HSPA12B: variants seen among roughly 807,000 people sequenced by gnomAD.
HSPA12B encodes the protein heat shock 70 kDa protein 12B.
HSPA12B carries 54 observed loss-of-function variants against 69.3 expected under a neutral mutation model. The ratio of observed to expected loss-of-function variants is 0.78; its 90% confidence interval spans 0.63 to 0.98. The LOEUF is 0.98. HSPA12B is among the 50% of genes least tolerant of loss of function. HSPA12B has a pLI of 0.00. For missense variants in HSPA12B, 929 were observed against 999.8 expected (o/e 0.93, Z 0.96); for synonymous variants, 441 against 436.5 (o/e 1.01, Z -0.13).
Position 3,749,663 on chromosome 20 carries a change from GGGCTGGAGGCTGGGCGA to G in HSPA12B, c.938-77_938-61del, listed in dbSNP as rs1176307242. On this transcript the variant is annotated intron_variant, in intron 9 of 12. Coordinates refer to ENST00000254963, the MANE Select transcript of HSPA12B (RefSeq NM_052970.5). The surrounding 1 kb of genome is among the most constrained non-coding windows in gnomAD (Gnocchi z 5.5). ...CAGACAGGCCTTGGGACCCGGGGCA[GGGCTGGAGGCTGGGCGA>G]GGCTGGAGGGGGCGCAGGGCTGAGG... 1 of 1,009,788 alleles carries G rather than the reference GGGCTGGAGGCTGGGCGA, an allele frequency of 9.9e-7. No homozygotes were observed. The highest frequency in any genetic ancestry group is 1.4e-6 in the Non-Finnish European group (1 of 694,126). 62.6% of individuals were successfully genotyped at this position (1,009,788 alleles called of 1,614,324 possible).
At position 3,744,622 on chromosome 20, in the gene HSPA12B, C is replaced by G. The variant is rs1219588828; in HGVS notation, c.267-280C>G. On this transcript the variant is annotated intron_variant, in intron 4 of 12. Coordinates refer to ENST00000254963, the MANE Select transcript of HSPA12B (RefSeq NM_052970.5). The surrounding 1 kb of genome is among the most constrained non-coding windows in gnomAD (Gnocchi z 4.9). ...TTCTCCATGCTCCCTTCCCTGCATT[C>G]TGTTGCTCCATGGGAGCCAGTGACC... 6.6e-6 allele frequency among the ~76,000 whole-genome samples: 1 copy of G among 152,244 alleles called. No homozygotes were observed. Among genetic ancestry groups the G allele is most frequent in the Non-Finnish European group, 1.5e-5 (1 of 68,040 alleles).
Position 3,752,262 on chromosome 20 carries a change from T to C in HSPA12B, c.*96T>C. On this transcript the variant is annotated 3_prime_UTR_variant, in exon 13 of 13. Transcript: ENST00000254963. Reference sequence around the variant, plus strand: ...GGGTTGGGGCGGGGGAAACGATAGTTCTGCAGTCTGCGCCTTTCCACGCCC... The same window carrying C: ...GGGTTGGGGCGGGGGAAACGATAGTCCTGCAGTCTGCGCCTTTCCACGCCC... 8.3e-7 allele frequency: 1 copy of C among 1,198,368 alleles called. No homozygotes were observed. The highest frequency in any genetic ancestry group is 1.1e-6 in the Non-Finnish European group (1 of 906,620). The allele number at this position is 1,198,368 out of a possible 1,614,324, so 74.2% of individuals were successfully genotyped here.
At position 3,752,107 on chromosome 20, in the gene HSPA12B, G is replaced by A. The variant is rs1418851001; in HGVS notation, c.2002G>A (p.Ala668Thr). Residue 668 changes from alanine to threonine, a missense_variant, in exon 13 of 13, where the codon GCC becomes ACC. Ala to Thr is a moderately conservative substitution (Grantham distance 58). Transcript: ENST00000254963. ...QFGDTEIKVTAVDVSTNRSVR... is the reference protein window; with the variant it reads ...QFGDTEIKVTTVDVSTNRSVR... ...TGGCGACACCGAAATTAAGGTCACCGCCGTCGACGTCAGCACCAATCGCTC... is the reference window on the plus strand; with the variant it reads ...TGGCGACACCGAAATTAAGGTCACCACCGTCGACGTCAGCACCAATCGCTC... 6.6e-7 allele frequency: 1 copy of A among 1,507,760 alleles called. No homozygotes were observed. Among genetic ancestry groups the A allele is most frequent in the Non-Finnish European group, 8.8e-7 (1 of 1,135,004 alleles). 93.4% of individuals were successfully genotyped at this position (1,507,760 alleles called of 1,614,324 possible).
Position 3,737,160 on chromosome 20 carries a change from T to G in HSPA12B, c.-17-1498T>G, listed in dbSNP as rs1191682377. ...TGGGCTGGGGCCTGAGGTTCTGCATTTCTAACAAGCTTCCAGGTGATACCA... is the reference window on the plus strand; with the variant it reads ...TGGGCTGGGGCCTGAGGTTCTGCATGTCTAACAAGCTTCCAGGTGATACCA... On this transcript the variant is annotated intron_variant, in intron 1 of 12. Transcript: ENST00000254963. This position sits in a 1 kb window ranked among gnomAD's most constrained non-coding sequence, Gnocchi z 4.1. Among the ~76,000 whole-genome samples, 5 of 152,188 alleles carry G rather than the reference T, an allele frequency of 3.3e-5. No homozygotes were observed. The highest frequency in any genetic ancestry group is 3.3e-4 in the Admixed American group (5 of 15,276).
chr20:3,747,122 TG>T (rs200339382), intron 7 of HSPA12B, among the ~76,000 whole-genome samples: 2 of 151,378 alleles, frequency 1.3e-5, no homozygotes, highest in Admixed American at 6.6e-5. Context: ...AGCAAGGAGT[TG>T]GGGGGGGCTC....
chr20:3,750,193 G>C lies in HSPA12B; in HGVS notation c.1267G>C (p.Gly423Arg). Residue 423 changes from glycine (G) to arginine (R), a missense_variant, in exon 11 of 13, where the codon GGC (glycine) becomes CGC (arginine). This residue lies in a region of HSPA12B where 448 missense variants were observed against 448.1 expected (regional missense o/e 1.00). Coordinates refer to ENST00000254963, the MANE Select transcript of HSPA12B (RefSeq NM_052970.5). Reference sequence around the variant, plus strand: ...CATTGACTTCTACCGCAAGCAGCGGGGCCACAACGTGGAGACCGCTCTGCG... The same window carrying C: ...CATTGACTTCTACCGCAAGCAGCGGCGCCACAACGTGGAGACCGCTCTGCG... The part of the protein sequence containing the change: ...SFIDFYRKQR[G>R]HNVETALRRS... 1 of 1,608,856 alleles carries C rather than the reference G, an allele frequency of 6.2e-7. No individual in the cohort carries two copies. The highest frequency in any genetic ancestry group is 8.5e-7 in the Non-Finnish European group (1 of 1,177,112).
Position 3,749,203 on chromosome 20 carries a change from C to A in HSPA12B, c.851-29C>A. The stretch of plus-strand genomic sequence containing the variant: ...CATAGCTGGAGCACCTCCTTCTAAT[C>A]TCACTCCCTGCTGTCTCCTGACCCC... On this transcript the variant is annotated intron_variant, in intron 8 of 12. Coordinates refer to ENST00000254963, the MANE Select transcript of HSPA12B (RefSeq NM_052970.5). This position sits in a 1 kb window ranked among gnomAD's most constrained non-coding sequence, Gnocchi z 5.5. 6.3e-7 allele frequency: 1 copy of A among 1,599,346 alleles called. No homozygotes were observed. Among genetic ancestry groups the A allele is most frequent in the Non-Finnish European group, 8.5e-7 (1 of 1,170,500 alleles).
chr20:3,746,982 T>TGAGG (rs2088318357), intron 7 of HSPA12B, among the ~76,000 whole-genome samples: 2 of 152,286 alleles, frequency 1.3e-5, no homozygotes, highest in Middle Eastern at 3.4e-3. Flanking sequence ...ATCAGTATTT[T>TGAGG]GAGGGACACC....
intron 2 of HSPA12B, among the ~76,000 whole-genome samples, chr20:3,739,716 C>T (rs1231672346): frequency 6.6e-6 from 1 of 152,226 alleles, no homozygotes; most frequent in African/African-American, 2.4e-5. Flanking sequence ...GGCCCTTCGC[C>T]TGTGTTCCCA....
At chr20:3,736,060 A>T (rs1442425239) in intron 1 of HSPA12B, among the ~76,000 whole-genome samples, 2 of 152,078 alleles carry the variant, frequency 1.3e-5, no homozygotes, top group Admixed American at 1.3e-4. Flanking sequence ...TCTTGTAAAT[A>T]CTCCCAGCCA....
At position 3,750,920 on chromosome 20, in the gene HSPA12B, G is replaced by A; in HGVS notation, c.1405+13G>A. The stretch of plus-strand genomic sequence containing the variant: ...ATCCAGCACATAGGTGAGCACCTGA[G>A]CTTGGTCCCCCACCCGCCCCTACAT... On this transcript the variant is annotated intron_variant, in intron 12 of 12. Transcript: ENST00000254963. 6.2e-7 allele frequency: 1 copy of A among 1,612,072 alleles called. No individual in the cohort carries two copies. The highest frequency in any genetic ancestry group is 8.5e-7 in the Non-Finnish European group (1 of 1,178,286).
intron 3 of HSPA12B, among the ~76,000 whole-genome samples, chr20:3,741,837 TCAGA>T (rs776126433): frequency 2.0e-5 from 3 of 152,118 alleles, no homozygotes; most frequent in Non-Finnish European, 4.4e-5. Context: ...TGCCACAGAA[TCAGA>T]CAGTCTGGTT....
In HSPA12B at chr20:3,752,322, G is replaced by A; in HGVS notation, c.*156G>A. 1.4e-6 allele frequency: 1 copy of A among 694,834 alleles called. No homozygotes were observed. The highest frequency in any genetic ancestry group is 2.2e-6 in the Non-Finnish European group (1 of 462,288). 43.0% of individuals were successfully genotyped at this position (694,834 alleles called of 1,614,324 possible). On this transcript the variant is annotated 3_prime_UTR_variant, in exon 13 of 13. Transcript: ENST00000254963. The stretch of plus-strand genomic sequence containing the variant: ...GGGGGAGATAAGGTCATGGGAGAGT[G>A]GGTGGGGACACACCCAGAGACTGGC...
At position 3,751,700 on chromosome 20, in the gene HSPA12B, G is replaced by A; in HGVS notation, c.1595G>A (p.Gly532Asp). ...GCGGTGCTGTTCGGCCAGGCGCCGG[G>A]CGTGGTGCGGGTCCGCCGCTCGCCG... ...KGAVLFGQAP[G>D]VVRVRRSPLT... Residue 532 changes from glycine (G) to aspartate (D), a missense_variant, in exon 13 of 13, where the codon GGC becomes GAC. Physicochemically the swap from Gly to Asp is moderately conservative, Grantham distance 94. Coordinates refer to ENST00000254963, the MANE Select transcript of HSPA12B (RefSeq NM_052970.5). The A allele has an allele frequency of 6.7e-7, 1 of 1,484,242 alleles. No individual in the cohort carries two copies. The highest frequency in any genetic ancestry group is 1.3e-5 in the South Asian group (1 of 77,878). 91.9% of individuals were successfully genotyped at this position (1,484,242 alleles called of 1,614,324 possible).
chr20:3,740,940 G>T lies in HSPA12B; in HGVS notation c.141+28G>T, dbSNP rs1299331611. 6 of 1,583,472 alleles carry T rather than the reference G, an allele frequency of 3.8e-6. No homozygotes were observed. In the East Asian group the frequency reaches 1.3e-4, roughly 36 times the overall value. On this transcript the variant is annotated intron_variant, in intron 3 of 12. Transcript: ENST00000254963. This position sits in a 1 kb window ranked among gnomAD's most constrained non-coding sequence, Gnocchi z 4.9. The stretch of plus-strand genomic sequence containing the variant: ...AAGCCCAGAGCAGGGACCAGGTGGT[G>T]GGTGACCTGGCTGGTGTGGACAGGG...
intron 11 of HSPA12B, 153 bp from the exon 12 acceptor site, chr20:3,750,651 T>C: frequency 6.1e-6 from 6 of 985,046 alleles, no homozygotes; most frequent in Non-Finnish European, 2.4e-6. Flanking sequence ...GGGACTAACA[T>C]CCCGCAGGTC....
rs1019418023 is a variant in HSPA12B at position 3,749,913 on chromosome 20, G to GC, written c.1043-51dup. On this transcript the variant is annotated intron_variant, in intron 10 of 12. Transcript: ENST00000254963. The surrounding 1 kb of genome is among the most constrained non-coding windows in gnomAD (Gnocchi z 5.5). Reference sequence around the variant, plus strand: ...CGACCCGGGCTCCGGCCCCGCCACTGCCCCCTGGCGGCCCGGCGAGCGCTG... The same window carrying GC: ...CGACCCGGGCTCCGGCCCCGCCACTGCCCCCCTGGCGGCCCGGCGAGCGCTG... 34 of 1,550,956 alleles carry GC rather than the reference G, an allele frequency of 2.2e-5. No individual in the cohort carries two copies. The highest frequency in any genetic ancestry group is 2.9e-5 in the Non-Finnish European group (33 of 1,146,912).
chr20:3,745,865 C>A lies in HSPA12B; in HGVS notation c.559-50C>A. Reference sequence around the variant, plus strand: ...CTCCAGTTCCGCAGAGGGCTGAAGACCACCCTCCCTCCAAGCCAGCTTTCC... The same window carrying A: ...CTCCAGTTCCGCAGAGGGCTGAAGAACACCCTCCCTCCAAGCCAGCTTTCC... On this transcript the variant is annotated intron_variant, in intron 6 of 12. Transcript: ENST00000254963. This position sits in a 1 kb window ranked among gnomAD's most constrained non-coding sequence, Gnocchi z 5.6. 6.6e-7 allele frequency: 1 copy of A among 1,508,588 alleles called. No individual in the cohort carries two copies. Among genetic ancestry groups the A allele is most frequent in the Non-Finnish European group, 9.2e-7 (1 of 1,083,968 alleles). The allele number at this position is 1,508,588 out of a possible 1,614,324, so 93.5% of individuals were successfully genotyped here.
chr20:3,751,071 C>T (rs981713419), intron 12 of HSPA12B, among the ~76,000 whole-genome samples, 164 bp downstream of exon 12: 1 of 152,202 alleles, frequency 6.6e-6, no homozygotes, highest in East Asian at 1.9e-4. Context: ...TGATTAAGAG[C>T]TAGAGGGTTG....
Sources: allele counts gnomAD v4.1 joint callset (sites outside exome capture counted in the v4.1 genomes callset), GRCh38; gene constraint gnomAD v4.1.1; regional missense constraint gnomAD v4.1.1; non-coding constraint Gnocchi (gnomAD v3.1); transcripts MANE v1.5; gene names NCBI Gene and HGNC (gene_info 2026-07-23, HGNC 2026-07-21).